KRTAP10-11: variants seen among roughly 807,000 people sequenced by gnomAD.
KRTAP10-11 encodes keratin associated protein 10-11.
For synonymous variants in KRTAP10-11, 188 were observed against 161.1 expected (o/e 1.17, Z -1.27); for missense variants, 401 against 378.8 (o/e 1.06, Z -0.49).
chr21:44,647,323 A>G lies in KRTAP10-11; in HGVS notation c.865A>G (p.Ser289Gly), dbSNP rs782757565. 5.9e-5 allele frequency: 96 copies of G among 1,613,710 alleles called. No homozygotes were observed. The highest frequency in any genetic ancestry group is 1.0e-4 in the Admixed American group (6 of 59,990). ...CGCAAGCTCCCGCCTGGCCTGCTAC[A>G]GCCTCTGCTCAGGCAAGAAGTCCAG... is the stretch of plus-strand genomic sequence containing the variant. ...RPASSRLACY[S>G]LCSGKKSSC The change falls in exon 1 of 1, where the codon AGC becomes GGC. Residue 289 changes from serine (S) to glycine (G), a missense_variant. By Grantham distance (56) the Ser-to-Gly change is moderately conservative. Transcript: ENST00000334670.
rs1338723991 is a variant in KRTAP10-11 at position 44,646,562 on chromosome 21, G to A, written c.104G>A (p.Ser35Asn). Residue 35 changes from serine to asparagine, a missense_variant, in exon 1 of 1, where the codon AGC becomes AAC. By Grantham distance (46) the Ser-to-Asn change is conservative. Transcript: ENST00000334670. ...SCCEPPCSAP[S>N]CCAPAPSLSL... Reference sequence around the variant, plus strand: ...TGTGAGCCCCCCTGCAGCGCCCCCAGCTGCTGCGCCCCGGCCCCCTCCCTG... The same window carrying A: ...TGTGAGCCCCCCTGCAGCGCCCCCAACTGCTGCGCCCCGGCCCCCTCCCTG... The A allele has an allele frequency of 1.9e-6, 3 of 1,612,224 alleles. No individual in the cohort carries two copies. Among genetic ancestry groups the A allele is most frequent in the Non-Finnish European group, 1.7e-6 (2 of 1,179,914 alleles).
chr21:44,647,069 G>C lies in KRTAP10-11; in HGVS notation c.611G>C (p.Cys204Ser). Reference protein sequence around the residue: ...CKTVYCKPICCVPVCSRASSS... With the variant: ...CKTVYCKPICSVPVCSRASSS... Reference sequence around the variant, plus strand: ...ACTGTCTACTGCAAGCCCATCTGCTGTGTGCCTGTCTGCTCTAGGGCTTCC... The same window carrying C: ...ACTGTCTACTGCAAGCCCATCTGCTCTGTGCCTGTCTGCTCTAGGGCTTCC... Residue 204 changes from cysteine to serine, a missense_variant, in exon 1 of 1, where the codon TGT becomes TCT. Transcript: ENST00000334670. 1.2e-6 allele frequency: 2 copies of C among 1,613,704 alleles called. No individual in the cohort carries two copies. The highest frequency in any genetic ancestry group is 1.7e-4 in the Middle Eastern group (1 of 6,054).
rs782500561 is a variant in KRTAP10-11, at chr21:44,646,811, T to A, written c.353T>A (p.Val118Asp). The A allele has an allele frequency of 8.3e-6, 13 of 1,572,520 alleles. No homozygotes were observed. In the East Asian group the frequency reaches 3.0e-4, roughly 36 times the overall value. ...VCCKPVCCVPVCCGAASSCCR... is the reference protein window; with the variant it reads ...VCCKPVCCVPDCCGAASSCCR... ...TGCAAGCCTGTGTGCTGTGTGCCTG[T>A]CTGCTGTGGGGCTGCTTCTTCGTGC... The change falls in exon 1 of 1, where the codon GTC becomes GAC. Residue 118 changes from valine to aspartate, a missense_variant. Transcript: ENST00000334670.
In KRTAP10-11 at chr21:44,647,208, T is replaced by C. The variant is rs587607760; in HGVS notation, c.750T>C (p.Cys250=). 30 of 1,613,486 alleles carry C rather than the reference T, an allele frequency of 1.9e-5. No individual in the cohort carries two copies. Among genetic ancestry groups the C allele is most frequent in the South Asian group, 7.7e-5 (7 of 91,016 alleles). The change falls in exon 1 of 1, where the codon TGT becomes TGC. Residue 250 remains cysteine, a synonymous_variant. Coordinates refer to ENST00000334670, the MANE Select transcript of KRTAP10-11 (RefSeq NM_198692.3). ...ACCCCGTGTGCAGGTCCACCTGCTG[T>C]GTGCCCGTCTCCTCCTGCTGTGCCC... ...LCHPVCRSTC[C]VPVSSCCAPT...
At position 44,646,730 on chromosome 21, in the gene KRTAP10-11, C is replaced by A. The variant is rs781880478; in HGVS notation, c.272C>A (p.Thr91Asn). ...TCTAGCTGCCAGCCGGCTTGCTGCA[C>A]CTCCTCCCCCTGCCAGCAGGCCTGC... The part of the protein sequence containing the change: ...QQSSCQPACC[T>N]SSPCQQACCV... The change falls in exon 1 of 1, where the codon ACC (threonine) becomes AAC (asparagine). Residue 91 changes from threonine to asparagine, a missense_variant. Transcript: ENST00000334670. The A allele has an allele frequency of 1.1e-5, 18 of 1,613,948 alleles. No homozygotes were observed. The highest frequency in any genetic ancestry group is 1.4e-5 in the Non-Finnish European group (16 of 1,179,976).
In KRTAP10-11 at chr21:44,647,270, C is replaced by G. The variant is rs369444628; in HGVS notation, c.812C>G (p.Ala271Gly). The change falls in exon 1 of 1, where the codon GCC becomes GGC. Residue 271 changes from alanine to glycine, a missense_variant. Ala to Gly is a moderately conservative substitution (Grantham distance 60). Coordinates refer to ENST00000334670, the MANE Select transcript of KRTAP10-11 (RefSeq NM_198692.3). The part of the protein sequence containing the change: ...SSCQSSCCRP[A>G]SCVSLLCRPA... ...TGCCAGTCCAGCTGCTGCCGCCCGG[C>G]CTCCTGCGTGTCCCTCCTCTGCCGC... is the stretch of plus-strand genomic sequence containing the variant. 2 of 1,602,482 alleles carry G rather than the reference C, an allele frequency of 1.2e-6. No individual in the cohort carries two copies. Among genetic ancestry groups the G allele is most frequent in the Non-Finnish European group, 1.7e-6 (2 of 1,173,390 alleles).
At position 44,646,500 on chromosome 21, in the gene KRTAP10-11, C is replaced by T. The variant is rs199741274; in HGVS notation, c.42C>T (p.Ser14=). 2.1e-4 allele frequency: 334 copies of T among 1,613,002 alleles called. No individual in the cohort carries two copies. In the Middle Eastern group the frequency reaches 6.2e-3, roughly 30 times the overall value. The change falls in exon 1 of 1, where the codon TCC becomes TCT. Residue 14 remains serine, a synonymous_variant. Transcript: ENST00000334670. Reference sequence around the variant, plus strand: ...TGTCTGTCTGCTCCAGCGCTTACTCCGACTCCTGGCAGGTGGACGACTGCC... The same window carrying T: ...TGTCTGTCTGCTCCAGCGCTTACTCTGACTCCTGGCAGGTGGACGACTGCC... ...STMSVCSSAY[S]DSWQVDDCPE...
rs1014766570 is a variant in KRTAP10-11, at chr21:44,647,155, C to A, written c.697C>A (p.Pro233Thr). Residue 233 changes from proline (P) to threonine (T), a missense_variant, in exon 1 of 1, where the codon CCC (proline) becomes ACC (threonine). Physicochemically the swap from Pro to Thr is conservative, Grantham distance 38. Transcript: ENST00000334670. ...PACCTTSCCRPSSSVSLLCHP... is the reference protein window; with the variant it reads ...PACCTTSCCRTSSSVSLLCHP... Reference sequence around the variant, plus strand: ...TTGCTGCACCACCTCCTGCTGCAGACCCTCCTCCTCTGTGTCCCTCCTCTG... The same window carrying A: ...TTGCTGCACCACCTCCTGCTGCAGAACCTCCTCCTCTGTGTCCCTCCTCTG... 2.5e-6 allele frequency: 4 copies of A among 1,613,962 alleles called. No individual in the cohort carries two copies. In the African/African-American group the frequency reaches 5.3e-5, roughly 22 times the overall value.
In KRTAP10-11 at chr21:44,647,152, A is replaced by C; in HGVS notation, c.694A>C (p.Arg232=). ...QPACCTTSCC[R]PSSSVSLLCH... Reference sequence around the variant, plus strand: ...AGCTTGCTGCACCACCTCCTGCTGCAGACCCTCCTCCTCTGTGTCCCTCCT... The same window carrying C: ...AGCTTGCTGCACCACCTCCTGCTGCCGACCCTCCTCCTCTGTGTCCCTCCT... The change falls in exon 1 of 1, where the codon AGA becomes CGA. Residue 232 remains arginine, a synonymous_variant. Coordinates refer to ENST00000334670, the MANE Select transcript of KRTAP10-11 (RefSeq NM_198692.3). 1 of 1,613,908 alleles carries C rather than the reference A, an allele frequency of 6.2e-7. No individual in the cohort carries two copies. The highest frequency in any genetic ancestry group is 2.2e-5 in the East Asian group (1 of 44,870).
Position 44,646,441 on chromosome 21 carries a change from C to T in KRTAP10-11, c.-18C>T, listed in dbSNP as rs782582957. The T allele has an allele frequency of 6.3e-7, 1 of 1,592,394 alleles. No individual in the cohort carries two copies. Among genetic ancestry groups the T allele is most frequent in the South Asian group, 1.2e-5 (1 of 86,026 alleles). On this transcript the variant is annotated 5_prime_UTR_variant, in exon 1 of 1. Coordinates refer to ENST00000334670, the MANE Select transcript of KRTAP10-11 (RefSeq NM_198692.3). ...ACTCACTTACACCTCCCCCAGCTCA[C>T]CTCCTCCCCACCCCAGCATGGCCGC...
At position 44,646,677 on chromosome 21, in the gene KRTAP10-11, C is replaced by T. The variant is rs782562198; in HGVS notation, c.219C>T (p.Ser73=). 75 of 1,614,058 alleles carry T rather than the reference C, an allele frequency of 4.6e-5. No individual in the cohort carries two copies. The Middle Eastern group carries it at 6.7e-4, about 14-fold the overall frequency. The change falls in exon 1 of 1, where the codon AGC becomes AGT. Residue 73 remains serine (S), a synonymous_variant. Coordinates refer to ENST00000334670, the MANE Select transcript of KRTAP10-11 (RefSeq NM_198692.3). ...EPSACQSGCT[S]SCTPSCCQQS... ...GCGCCTGCCAATCAGGCTGCACCAG[C>T]TCCTGCACGCCGTCATGCTGCCAGC...
In KRTAP10-11 at chr21:44,647,024, G is replaced by C; in HGVS notation, c.566G>C (p.Cys189Ser). The change falls in exon 1 of 1, where the codon TGC becomes TCC. Residue 189 changes from cysteine (C) to serine (S), a missense_variant. Transcript: ENST00000334670. ...CTSSSYQQAC[C>S]VPVCCKTVYC... Reference sequence around the variant, plus strand: ...TCCTCCTCCTACCAGCAGGCCTGCTGCGTGCCTGTCTGCTGCAAGACTGTC... The same window carrying C: ...TCCTCCTCCTACCAGCAGGCCTGCTCCGTGCCTGTCTGCTGCAAGACTGTC... The C allele has an allele frequency of 6.2e-7, 1 of 1,612,740 alleles. No individual in the cohort carries two copies. Among genetic ancestry groups the C allele is most frequent in the Non-Finnish European group, 8.5e-7 (1 of 1,179,708 alleles).
At position 44,646,545 on chromosome 21, in the gene KRTAP10-11, C is replaced by T. The variant is rs782797504; in HGVS notation, c.87C>T (p.Pro29=). ...VDDCPESCCE[P]PCSAPSCCAP... is the part of the protein sequence containing the mutation. ...ACTGCCCAGAGAGCTGCTGTGAGCC[C>T]CCCTGCAGCGCCCCCAGCTGCTGCG... The change falls in exon 1 of 1, where the codon CCC becomes CCT. Residue 29 remains proline (P), a synonymous_variant. Transcript: ENST00000334670. The T allele has an allele frequency of 2.5e-6, 4 of 1,612,628 alleles. No homozygotes were observed. The highest frequency in any genetic ancestry group is 3.3e-5 in the Admixed American group (2 of 60,024).
At position 44,647,031 on chromosome 21, in the gene KRTAP10-11, T is replaced by C. The variant is rs782307682; in HGVS notation, c.573T>C (p.Pro191=). ...SSSYQQACCV[P]VCCKTVYCKP... ...CCTACCAGCAGGCCTGCTGCGTGCC[T>C]GTCTGCTGCAAGACTGTCTACTGCA... Residue 191 remains proline (P), a synonymous_variant, in exon 1 of 1, where the codon CCT becomes CCC. Coordinates refer to ENST00000334670, the MANE Select transcript of KRTAP10-11 (RefSeq NM_198692.3). 7.4e-6 allele frequency: 12 copies of C among 1,613,054 alleles called. No individual in the cohort carries two copies. The highest frequency in any genetic ancestry group is 2.2e-5 in the East Asian group (1 of 44,814).
Position 44,647,097 on chromosome 21 carries a change from T to C in KRTAP10-11, c.639T>C (p.Ser213=). ...TGCCTGTCTGCTCTAGGGCTTCCTCTTCACGCTGCCAGCAGCCTAGCTGCC... is the reference window on the plus strand; with the variant it reads ...TGCCTGTCTGCTCTAGGGCTTCCTCCTCACGCTGCCAGCAGCCTAGCTGCC... ...CCVPVCSRAS[S]SRCQQPSCQP... is the part of the protein sequence containing the mutation. Residue 213 remains serine, a synonymous_variant, in exon 1 of 1, where the codon TCT becomes TCC. Coordinates refer to ENST00000334670, the MANE Select transcript of KRTAP10-11 (RefSeq NM_198692.3). 1 of 1,613,188 alleles carries C rather than the reference T, an allele frequency of 6.2e-7. No individual in the cohort carries two copies. The highest frequency in any genetic ancestry group is 1.3e-5 in the African/African-American group (1 of 74,664).
Position 44,646,739 on chromosome 21 carries a change from C to A in KRTAP10-11, c.281C>A (p.Pro94His), listed in dbSNP as rs782448305. 4.3e-6 allele frequency: 7 copies of A among 1,613,906 alleles called. No homozygotes were observed. The East Asian group carries it at 1.6e-4, about 36-fold the overall frequency. The change falls in exon 1 of 1, where the codon CCC (proline) becomes CAC (histidine). Residue 94 changes from proline to histidine, a missense_variant. By Grantham distance (77) the Pro-to-His change is moderately conservative. Transcript: ENST00000334670. ...SCQPACCTSS[P>H]CQQACCVPVC... is the part of the protein sequence containing the mutation. ...CAGCCGGCTTGCTGCACCTCCTCCC[C>A]CTGCCAGCAGGCCTGCTGTGTGCCT... is the stretch of plus-strand genomic sequence containing the variant.
Position 44,647,550 on chromosome 21 carries a change from G to C in KRTAP10-11, c.*195G>C. ...AGACAACCCACAAATCCCTCAGCAG[G>C]TGGACTGTGGCTTTCTGGAGCCCCC... On this transcript the variant is annotated 3_prime_UTR_variant, in exon 1 of 1. Transcript: ENST00000334670. The C allele has an allele frequency of 1.5e-6, 1 of 685,756 alleles. No individual in the cohort carries two copies. The highest frequency in any genetic ancestry group is 2.0e-5 in the South Asian group (1 of 50,226). The allele number at this position is 685,756 out of a possible 1,614,324, so 42.5% of individuals were successfully genotyped here.
Position 44,646,743 on chromosome 21 carries a change from C to T in KRTAP10-11, c.285C>T (p.Cys95=). ...CGGCTTGCTGCACCTCCTCCCCCTG[C>T]CAGCAGGCCTGCTGTGTGCCTGTCT... The part of the protein sequence containing the change: ...CQPACCTSSP[C]QQACCVPVCC... The change falls in exon 1 of 1, where the codon TGC becomes TGT. Residue 95 remains cysteine, a synonymous_variant. Transcript: ENST00000334670. 1 of 1,614,096 alleles carries T rather than the reference C, an allele frequency of 6.2e-7. No homozygotes were observed. Among genetic ancestry groups the T allele is most frequent in the Non-Finnish European group, 8.5e-7 (1 of 1,179,964 alleles).
rs1569239285 is a variant in KRTAP10-11, at chr21:44,647,230, GCCC to G, written c.775_777del (p.Pro259del). 3 of 1,605,356 alleles carry G rather than the reference GCCC, an allele frequency of 1.9e-6. No homozygotes were observed. The highest frequency in any genetic ancestry group is 4.5e-5 in the East Asian group (2 of 44,396). The stretch of plus-strand genomic sequence containing the variant: ...CTGTGTGCCCGTCTCCTCCTGCTGT[GCCC>G]CCACCTCCTCCTGCCAGTCCAGCTG... On this transcript the variant is annotated inframe_deletion, in exon 1 of 1. Coordinates refer to ENST00000334670, the MANE Select transcript of KRTAP10-11 (RefSeq NM_198692.3).
Sources: allele counts gnomAD v4.1 joint callset, GRCh38; gene constraint gnomAD v4.1.1; transcripts MANE v1.5; gene names NCBI Gene and HGNC (gene_info 2026-07-23, HGNC 2026-07-21).